Variants in GREB1L observed in about 807,000 individuals in gnomAD.
GREB1L encodes the protein GREB1 like retinoic acid receptor coactivator, also known as GREB1-like protein.
In GREB1L, 17 loss-of-function variants were observed where a neutral mutation model predicts 200.8. The observed-to-expected ratio is 0.08, with a 90% confidence interval of 0.06 to 0.13. The LOEUF is 0.13. GREB1L is among the 10% of genes least tolerant of loss of function. GREB1L has a pLI of 1.00. For missense variants in GREB1L, 1,657 were observed against 2,367.7 expected, an observed-to-expected ratio of 0.70 and a Z score of 6.23; for synonymous variants, 789 against 893.0, an observed-to-expected ratio of 0.88 and a Z score of 2.08.
intron 1 of GREB1L, among the ~76,000 whole-genome samples, chr18:21,351,769 T>C (rs1343961388): frequency 6.6e-6 from 1 of 152,194 alleles, no homozygotes; most frequent in Non-Finnish European, 1.5e-5. Flanking sequence ...AGGTTATCAG[T>C]TTCAGACTAC....
At chr18:21,407,224 T>G (rs1008842417) in intron 7 of GREB1L, among the ~76,000 whole-genome samples, 2 of 152,154 alleles carry the variant, frequency 1.3e-5, no homozygotes, top group Admixed American at 1.3e-4. Context: ...GCCACCAATC[T>G]CAGTGGAATA....
intron 7 of GREB1L, among the ~76,000 whole-genome samples, chr18:21,417,190 A>G (rs938791242): frequency 6.6e-6 from 1 of 152,144 alleles, no homozygotes; most frequent in Non-Finnish European, 1.5e-5. Flanking sequence ...AAGACAGAGC[A>G]ATATTTTTAA....
intron 2 of GREB1L, among the ~76,000 whole-genome samples, chr18:21,376,808 G>A (rs1398986842): frequency 1.9e-5 from 2 of 107,314 alleles, no homozygotes; most frequent in Non-Finnish European, 3.4e-5. Context: ...CTGAGAGTCC[G>A]TCTCAAAAAA....
At chr18:21,504,755 G>C (rs2036943419) in intron 23 of GREB1L, among the ~76,000 whole-genome samples, 1 of 152,184 alleles carries the variant, frequency 6.6e-6, no homozygotes, top group Non-Finnish European at 1.5e-5. Context: ...TTTGATCCCA[G>C]GTGGTTGAGG....
At chr18:21,262,190 A>C (rs2037899737) in intron 1 of GREB1L, among the ~76,000 whole-genome samples, 1 of 152,166 alleles carries the variant, frequency 6.6e-6, no homozygotes, top group Admixed American at 6.6e-5. Context: ...CCGTGATTCC[A>C]GAATAATATG....
intron 1 of GREB1L, among the ~76,000 whole-genome samples, chr18:21,274,982 C>A (rs1264371351): frequency 6.6e-6 from 1 of 152,082 alleles, no homozygotes; most frequent in Admixed American, 6.6e-5. Flanking sequence ...GTGGCTCATG[C>A]CTGTAATCCA....
At chr18:21,406,335 A>G (rs1179423504) in intron 7 of GREB1L, among the ~76,000 whole-genome samples, 3 of 152,200 alleles carry the variant, frequency 2.0e-5, no homozygotes, top group African/African-American at 7.2e-5. Context: ...CCGTGAACAC[A>G]GTGGCCAAGT....
chr18:21,358,365 G>C (rs1311928089), intron 1 of GREB1L, among the ~76,000 whole-genome samples: 1 of 152,134 alleles, frequency 6.6e-6, no homozygotes, highest in Non-Finnish European at 1.5e-5. Context: ...GAGTGGAGTG[G>C]AGTGCAGTCG....
At chr18:21,430,103 G>A (rs531481501) in intron 7 of GREB1L, among the ~76,000 whole-genome samples, 4 of 151,986 alleles carry the variant, frequency 2.6e-5, no homozygotes, top group Admixed American at 6.6e-5. Context: ...TTCAGATTAC[G>A]CCCTTACCCT....
intron 1 of GREB1L, among the ~76,000 whole-genome samples, chr18:21,287,479 G>A (rs1335206745): frequency 1.3e-5 from 2 of 152,090 alleles, no homozygotes; most frequent in African/African-American, 2.4e-5. Flanking sequence ...TTCGAAAGAA[G>A]ATCATCGGAA....
At chr18:21,373,879 G>T (rs1160184920) in intron 2 of GREB1L, among the ~76,000 whole-genome samples, 1 of 152,050 alleles carries the variant, frequency 6.6e-6, no homozygotes, top group Non-Finnish European at 1.5e-5. Context: ...ATTAATTTGT[G>T]AATTTTTATA....
chr18:21,376,316 G>A lies in GREB1L; in HGVS notation c.-9-7194G>A, dbSNP rs1227661383. Among the ~76,000 whole-genome samples the A allele has an allele frequency of 2.0e-5, 3 of 150,956 alleles. No individual in the cohort carries two copies. The East Asian group carries it at 5.9e-4, about 30-fold the overall frequency. On this transcript the variant is annotated intron_variant, in intron 2 of 32. Transcript: ENST00000424526. ...GTGTTTTTAGTAGAGACGGGGTTTT[G>A]CAATGTTGGCCAGGCTGGTCTCAAA...
intron 15 of GREB1L, among the ~76,000 whole-genome samples, chr18:21,470,732 G>A (rs1299662651): frequency 6.6e-6 from 1 of 152,044 alleles, no homozygotes; most frequent in African/African-American, 2.4e-5. Context: ...ATTACAAAAT[G>A]TGAGTCAGGC....
intron 27 of GREB1L, among the ~76,000 whole-genome samples, chr18:21,512,091 A>G (rs1161561251): frequency 6.6e-6 from 1 of 152,174 alleles, no homozygotes; most frequent in Non-Finnish European, 1.5e-5. Context: ...TTTCATTACT[A>G]TAGCTTTGTA....
intron 2 of GREB1L, among the ~76,000 whole-genome samples, chr18:21,381,134 C>T (rs928991065): frequency 6.6e-6 from 1 of 151,964 alleles, no homozygotes; most frequent in African/African-American, 2.4e-5. Flanking sequence ...CGCAGCTACT[C>T]GGGAGGCTGA....
At chr18:21,286,495 T>C (rs922233297) in intron 1 of GREB1L, among the ~76,000 whole-genome samples, 4 of 152,172 alleles carry the variant, frequency 2.6e-5, no homozygotes, top group African/African-American at 9.7e-5. Flanking sequence ...AAATAAGTCA[T>C]GAGACTTTGG....
rs966408130 is a variant in GREB1L, at chr18:21,525,229, GCTTTTTGTGATTTTTAGAAA to G, written c.*2409_*2428del. ...TTTTTTGGCTGTAATTTATGCAATTGCTTTTTGTGATTTTTAGAAAATGGGGCACCCGTGTTATTACTGTA... is the reference window on the plus strand; with the variant it reads ...TTTTTTGGCTGTAATTTATGCAATTGATGGGGCACCCGTGTTATTACTGTA... On this transcript the variant is annotated 3_prime_UTR_variant, in exon 33 of 33. Transcript: ENST00000424526. The G allele has an allele frequency of 5.3e-5, 8 of 151,992 alleles. No individual in the cohort carries two copies. The highest frequency in any genetic ancestry group is 1.0e-4 in the Non-Finnish European group (7 of 67,966). The allele number at this position is 151,992 out of a possible 1,614,324, so 9.4% of individuals were successfully genotyped here.
chr18:21,386,447 C>T (rs1426811567), intron 4 of GREB1L, among the ~76,000 whole-genome samples: 4 of 152,024 alleles, frequency 2.6e-5, no homozygotes, highest in African/African-American at 7.2e-5. Flanking sequence ...CCCGCCACCA[C>T]GCCTGGCTAA....
intron 1 of GREB1L, among the ~76,000 whole-genome samples, chr18:21,261,182 A>T (rs2037884665): frequency 1.3e-5 from 2 of 152,002 alleles, no homozygotes; most frequent in Non-Finnish European, 2.9e-5. Context: ...CTATATATAT[A>T]TTTTTCCAAC....
Sources: allele counts gnomAD v4.1 joint callset (sites outside exome capture counted in the v4.1 genomes callset), GRCh38; gene constraint gnomAD v4.1.1; transcripts MANE v1.5; gene names NCBI Gene and HGNC (gene_info 2026-07-23, HGNC 2026-07-21).